The following DENND2A variants were observed in gnomAD, a reference collection of about 807,000 sequenced individuals.
DENND2A encodes DENN domain containing 2A, also known as DENN domain-containing protein 2A.
In DENND2A, 53 loss-of-function variants were observed where a neutral mutation model predicts 105.3. That is an observed-to-expected ratio of 0.50 (90% CI 0.40 to 0.63). DENND2A has a LOEUF of 0.63. Among genes scored for constraint, DENND2A ranks in the 30% least tolerant of loss-of-function variants. The pLI, the probability that DENND2A is intolerant of heterozygous loss-of-function variation, is 0.00. For synonymous variants in DENND2A, 522 were observed against 508.4 expected (o/e 1.03, Z -0.36); for missense variants, 1,138 against 1,279.6 (o/e 0.89, Z 1.69).
At chr7:140,586,366 AACACACACACACACAC>A (rs10524571) in intron 4 of DENND2A, among the ~76,000 whole-genome samples, 15 of 139,624 alleles carry the variant, frequency 1.1e-4, no homozygotes, top group African/African-American at 3.7e-4. Flanking sequence ...TAAAAAAGAA[AACACACACACACACAC>A]ACACACACAC....
At chr7:140,578,543 C>T (rs1200393266) in intron 5 of DENND2A, among the ~76,000 whole-genome samples, 1 of 152,158 alleles carries the variant, frequency 6.6e-6, no homozygotes, top group African/African-American at 2.4e-5. Context: ...TACACACATT[C>T]TTGCATGAAA....
rs115545792 is a variant in DENND2A, at chr7:140,549,566, A to G, written c.2038-2627T>C. On this transcript the variant is annotated intron_variant, in intron 12 of 19. Coordinates refer to ENST00000496613, the MANE Select transcript of DENND2A (RefSeq NM_015689.5). ...CCATGCCCGGCCCTCGAAATAGACA[A>G]TTAATAACATAAAATATATCAATGA... Among the ~76,000 whole-genome samples, 896 of 152,320 alleles carry G rather than the reference A, an allele frequency of 5.9e-3. 14 individuals are homozygous for G. The highest frequency in any genetic ancestry group is 0.02 in the African/African-American group (845 of 41,566).
rs761393704 is a variant in DENND2A at position 140,587,628 on chromosome 7, G to A, written c.1123+25C>T. 9.3e-6 allele frequency: 15 copies of A among 1,612,044 alleles called. No homozygotes were observed. The Admixed American group carries it at 1.5e-4, about 16-fold the overall frequency. On this transcript the variant is annotated intron_variant, in intron 4 of 19. Coordinates refer to ENST00000496613, the MANE Select transcript of DENND2A (RefSeq NM_015689.5). ...CTTTCTCCCAGACAGACTCAGATCC[G>A]CACACAGACGCTGTGGCTTCTTACC...
chr7:140,557,539 T>A (rs376356706), intron 11 of DENND2A, among the ~76,000 whole-genome samples: 78 of 40,006 alleles, frequency 1.9e-3, no homozygotes, highest in East Asian at 0.018. Context: ...ATATTTTTTT[T>A]TTTTTTTTTT....
At chr7:140,544,171 C>T (rs1563128826) in intron 14 of DENND2A, 5 of 250,934 alleles carry the variant, frequency 2.0e-5, no homozygotes, top group Non-Finnish European at 3.2e-5. Context: ...GGATTACAGG[C>T]ATGAGCCACC....
intron 1 of DENND2A, among the ~76,000 whole-genome samples, chr7:140,631,207 A>G (rs181929948): frequency 4.9e-4 from 74 of 152,266 alleles, no homozygotes; most frequent in African/African-American, 1.7e-3. Context: ...GTTTCAGCAG[A>G]TGGATAGGAA....
chr7:140,616,197 T>C (rs1800079797), intron 1 of DENND2A, among the ~76,000 whole-genome samples: 1 of 151,994 alleles, frequency 6.6e-6, no homozygotes, highest in African/African-American at 2.4e-5. Flanking sequence ...TGAAACCCCA[T>C]CTCTACTAAA....
chr7:140,585,461 A>G (rs1353020364), intron 5 of DENND2A, 128 bp downstream of exon 5: 1 of 1,334,806 alleles, frequency 7.5e-7, no homozygotes, highest in African/African-American at 1.5e-5. Context: ...CCAGCGTTGT[A>G]CAAATCCAGG....
intron 14 of DENND2A, among the ~76,000 whole-genome samples, chr7:140,534,061 G>A (rs1052673791): frequency 4.1e-5 from 6 of 145,146 alleles, no homozygotes; most frequent in Non-Finnish European, 6.0e-5. Context: ...TCACAGGCAC[G>A]TGCCACCAAT....
chr7:140,541,401 G>A (rs111437630), intron 14 of DENND2A, among the ~76,000 whole-genome samples: 1 of 151,920 alleles, frequency 6.6e-6, no homozygotes, highest in Non-Finnish European at 1.5e-5. Context: ...GCACGTTCCC[G>A]GGGGACTCTG....
intron 11 of DENND2A, among the ~76,000 whole-genome samples, chr7:140,556,384 A>G (rs1254539005): frequency 1.3e-5 from 2 of 150,946 alleles, no homozygotes; most frequent in African/African-American, 4.9e-5. Flanking sequence ...TGTTGTCCAG[A>G]CTGGAGTGCA....
intron 14 of DENND2A, among the ~76,000 whole-genome samples, chr7:140,529,901 C>T (rs1186862524): frequency 6.6e-6 from 1 of 151,982 alleles, no homozygotes; most frequent in Non-Finnish European, 1.5e-5. Flanking sequence ...ATGTAACAGA[C>T]CTGCACGCTG....
intron 14 of DENND2A, among the ~76,000 whole-genome samples, chr7:140,531,425 G>A (rs1436597313): frequency 2.0e-5 from 3 of 152,068 alleles, no homozygotes; most frequent in African/African-American, 7.2e-5. Flanking sequence ...AGAGGGTTGC[G>A]ATCAGCATTA....
rs541122836 is a variant in DENND2A, at chr7:140,536,942, C to T, written c.2327+7676G>A. Among the ~76,000 whole-genome samples the T allele has an allele frequency of 4.6e-5, 7 of 152,342 alleles. No individual in the cohort carries two copies. The East Asian group carries it at 5.8e-4, about 13-fold the overall frequency. Reference sequence around the variant, plus strand: ...CCTCCCAAAGTGCTGGGGTTACAGGCGTGAGCCACTGCACCTGCCTAAAAT... The same window carrying T: ...CCTCCCAAAGTGCTGGGGTTACAGGTGTGAGCCACTGCACCTGCCTAAAAT... On this transcript the variant is annotated intron_variant, in intron 14 of 19. Coordinates refer to ENST00000496613, the MANE Select transcript of DENND2A (RefSeq NM_015689.5).
At position 140,586,713 on chromosome 7, in the gene DENND2A, G is replaced by A. The variant is rs115158346; in HGVS notation, c.1123+940C>T. Among the ~76,000 whole-genome samples the A allele has an allele frequency of 3.1e-3, 467 of 152,300 alleles. 3 individuals carry two copies. The highest frequency in any genetic ancestry group is 0.011 in the African/African-American group (440 of 41,560). On this transcript the variant is annotated intron_variant, in intron 4 of 19. Coordinates refer to ENST00000496613, the MANE Select transcript of DENND2A (RefSeq NM_015689.5). ...CTCCCATTTTAGATCTGGGAATCCCGCTGCTTTGGCAGGAGCCCATCTCCA... is the reference window on the plus strand; with the variant it reads ...CTCCCATTTTAGATCTGGGAATCCCACTGCTTTGGCAGGAGCCCATCTCCA...
chr7:140,633,714 A>T (rs1386597597), intron 1 of DENND2A, among the ~76,000 whole-genome samples: 1 of 152,148 alleles, frequency 6.6e-6, no homozygotes, highest in Non-Finnish European at 1.5e-5. Context: ...GTGATGTGCC[A>T]TCAAGGTTAT....
intron 9 of DENND2A, among the ~76,000 whole-genome samples, chr7:140,561,498 C>CTTTTTTTTTTTTTTTTT: frequency 9.8e-6 from 1 of 102,518 alleles, no homozygotes; most frequent in Non-Finnish European, 1.9e-5. Flanking sequence ...TTTCTGTTGT[C>CTTTTTTTTTTTTTTTTT]TTTTTTTTTT....
In DENND2A at chr7:140,555,647, G is replaced by A; in HGVS notation, c.2026C>T (p.Leu676Phe). The change falls in exon 12 of 20, where the codon CTC becomes TTC. Residue 676 changes from leucine (L) to phenylalanine (F), a missense_variant. Leu to Phe is a conservative substitution (Grantham distance 22). Around this residue, in one of 2 missense-constraint regions of DENND2A, gnomAD observed 627 missense variants for 779.8 expected, o/e 0.80. Coordinates refer to ENST00000496613, the MANE Select transcript of DENND2A (RefSeq NM_015689.5). ...CIVSRLGCFS[L>F]FSRILDEVEK... ...GTCCAAGTTCTCACCCTTGAAAAGA[G>A]GCTGAAGCATCCCAGGCGGCTCACA... The A allele has an allele frequency of 6.2e-7, 1 of 1,610,858 alleles. No individual in the cohort carries two copies. Among genetic ancestry groups the A allele is most frequent in the Non-Finnish European group, 8.5e-7 (1 of 1,178,930 alleles).
chr7:140,542,565 CTTTTTT>C (rs771623397), intron 14 of DENND2A, among the ~76,000 whole-genome samples: 3,802 of 112,096 alleles, frequency 0.034, 140 homozygotes, highest in African/African-American at 0.13. Flanking sequence ...TTTTCTCTCT[CTTTTTT>C]TTTTTTTTTT....
Sources: allele counts gnomAD v4.1 joint callset (sites outside exome capture counted in the v4.1 genomes callset), GRCh38; gene constraint gnomAD v4.1.1; regional missense constraint gnomAD v4.1.1; transcripts MANE v1.5; gene names NCBI Gene and HGNC (gene_info 2026-07-23, HGNC 2026-07-21).